DIAPH2: variants seen among roughly 807,000 people sequenced by gnomAD.
The protein encoded by DIAPH2 is diaphanous related formin 2.
In DIAPH2, 35 loss-of-function variants were observed where a neutral mutation model predicts 92.7. That is an observed-to-expected ratio of 0.38 (90% CI 0.29 to 0.50). The LOEUF (loss-of-function observed/expected upper bound fraction) is 0.50. Among genes scored for constraint, DIAPH2 ranks in the 20% least tolerant of loss-of-function variants. DIAPH2 has a pLI of 0.94. For missense variants in DIAPH2, 701 were observed against 819.5 expected (o/e 0.86, Z 1.77); for synonymous variants, 301 against 280.4 (o/e 1.07, Z -0.73).
At chrX:97,151,317 A>G (rs1053497253) in intron 22 of DIAPH2, among the ~76,000 whole-genome samples, 1 of 111,949 alleles carries the variant, frequency 8.9e-6, no homozygotes, top group Admixed American at 9.5e-5. Context: ...TATGTGTAAT[A>G]TGAATAGTGA....
intron 23 of DIAPH2, among the ~76,000 whole-genome samples, chrX:97,332,795 A>T (rs2069013254): frequency 9.0e-6 from 1 of 111,274 alleles, no homozygotes; most frequent in African/African-American, 3.3e-5. Context: ...AATGAGAAAC[A>T]TCGTCTCAGA....
chrX:97,265,319 G>C (rs1233154024), intron 23 of DIAPH2, among the ~76,000 whole-genome samples: 1 of 111,970 alleles, frequency 8.9e-6, no homozygotes, highest in African/African-American at 3.2e-5. Flanking sequence ...TCAGTTAAGA[G>C]AGTCAAATAT....
chrX:97,099,635 G>A, intron 19 of DIAPH2, 59 bp from the exon 20 acceptor site: 6 of 733,220 alleles, frequency 8.2e-6, no homozygotes, highest in Non-Finnish European at 9.6e-6. Flanking sequence ...AATTGTTAAT[G>A]CATGTTTAAA....
chrX:97,597,975 GTGTTAAT>G (rs1009950504), intron 26 of DIAPH2, among the ~76,000 whole-genome samples: 16 of 111,315 alleles, frequency 1.4e-4, no homozygotes, highest in African/African-American at 4.9e-4. Flanking sequence ...ACATACCGTG[GTGTTAAT>G]GAGGCTGGGG....
chrX:96,969,690 G>A (rs905852648), intron 17 of DIAPH2, among the ~76,000 whole-genome samples: 1 of 111,286 alleles, frequency 9.0e-6, no homozygotes, highest in Non-Finnish European at 1.9e-5. Flanking sequence ...AGGAGAAATA[G>A]TTTGACATCT....
chrX:97,179,756 G>A (rs5920813), intron 22 of DIAPH2, among the ~76,000 whole-genome samples: 54,266 of 110,313 alleles, frequency 0.49, 9,880 homozygotes, highest in East Asian at 0.63. Context: ...TGCTGCTGAT[G>A]AAGACATACC....
intron 17 of DIAPH2, 104 bp from the exon 18 acceptor site, chrX:97,072,837 T>A (rs891475086): frequency 4.5e-6 from 2 of 448,804 alleles, no homozygotes; most frequent in African/African-American, 5.0e-5. Flanking sequence ...ATTTATTGAT[T>A]TCAGAATGAG....
intron 22 of DIAPH2, among the ~76,000 whole-genome samples, chrX:97,165,659 A>T (rs1430735666): frequency 3.1e-5 from 3 of 97,443 alleles, no homozygotes; most frequent in African/African-American, 7.4e-5. Context: ...ATGCCCAGCA[A>T]TTTTTTTTTT....
At chrX:97,240,605 CAA>C (rs774748522) in intron 22 of DIAPH2, among the ~76,000 whole-genome samples, 16 of 67,855 alleles carry the variant, frequency 2.4e-4, no homozygotes, top group Admixed American at 3.4e-4. Flanking sequence ...GACTGCATCT[CAA>C]AAAAAAAAAA....
chrX:97,283,714 G>A (rs779754895), intron 23 of DIAPH2, among the ~76,000 whole-genome samples: 5 of 112,573 alleles, frequency 4.4e-5, no homozygotes, highest in African/African-American at 9.7e-5. Context: ...AGGCCAAGGC[G>A]GGCGGAACAC....
intron 22 of DIAPH2, among the ~76,000 whole-genome samples, chrX:97,161,057 T>TG (rs1294774551): frequency 1.0e-4 from 11 of 105,609 alleles, no homozygotes; most frequent in East Asian, 5.9e-4. Context: ...TTTTGTTTTT[T>TG]TTTTTTTTTT....
intron 1 of DIAPH2, 58 bp from the exon 2 acceptor site, chrX:96,735,700 C>T: frequency 4.9e-6 from 3 of 616,936 alleles, no homozygotes; most frequent in Non-Finnish European, 7.7e-6. Context: ...ATTGTTTGAT[C>T]TATGAGTTTC....
intron 17 of DIAPH2, among the ~76,000 whole-genome samples, chrX:96,986,567 A>G (rs2066033276): frequency 9.0e-6 from 1 of 111,567 alleles, no homozygotes; most frequent in African/African-American, 3.2e-5. Flanking sequence ...TTTACTTATC[A>G]CATTGAAATT....
At chrX:97,416,220 A>T (rs1024316391) in intron 25 of DIAPH2, among the ~76,000 whole-genome samples, 9 of 112,146 alleles carry the variant, frequency 8.0e-5, no homozygotes, top group Non-Finnish European at 1.7e-4. Flanking sequence ...GTAAATTACA[A>T]TATTGAGTTA....
chrX:96,751,045 C>T (rs192290788), intron 3 of DIAPH2, among the ~76,000 whole-genome samples: 169 of 111,582 alleles, frequency 1.5e-3, no homozygotes, highest in African/African-American at 4.8e-3. Context: ...CTAATTATTG[C>T]GGAGAAAAAT....
At position 97,133,127 on chromosome X, in the gene DIAPH2, C is replaced by T. The variant is rs774643752; in HGVS notation, c.2590-8538C>T. ...GAAACATTTCCTTTAGTGATATCCA[C>T]GCTGCTTTACTACTTCATTTCTTAT... On this transcript the variant is annotated intron_variant, in intron 21 of 26. Coordinates refer to ENST00000324765, the MANE Select transcript of DIAPH2 (RefSeq NM_006729.5). 1.4e-4 allele frequency among the ~76,000 whole-genome samples: 16 copies of T among 111,822 alleles called. No homozygotes were observed. In the East Asian group the frequency reaches 2.0e-3, roughly 14 times the overall value.
chrX:97,531,114 A>T (rs963004941), intron 26 of DIAPH2, among the ~76,000 whole-genome samples: 1 of 111,146 alleles, frequency 9.0e-6, no homozygotes, highest in Non-Finnish European at 1.9e-5. Context: ...AGTGTCATAA[A>T]TCTATTATAT....
intron 5 of DIAPH2, among the ~76,000 whole-genome samples, chrX:96,899,410 T>C (rs374046850): frequency 9.0e-6 from 1 of 110,796 alleles, no homozygotes; most frequent in Non-Finnish European, 1.9e-5. Context: ...CATTGAGCAG[T>C]GGTTTGTAGT....
At position 97,390,208 on chromosome X, in the gene DIAPH2, C is replaced by CTTTT. The variant is rs142044871; in HGVS notation, c.3145+6190_3145+6193dup. ...GTTTATCTTTTTCCCTGCTTTCTGT[C>CTTTT]TTTTTTTTTTTTTTTTTTTTTTTTT... On this transcript the variant is annotated intron_variant, in intron 25 of 26. Transcript: ENST00000324765. Among the ~76,000 whole-genome samples the CTTTT allele has an allele frequency of 6.9e-4, 23 of 33,192 alleles. 2 individuals are homozygous for CTTTT. Among genetic ancestry groups the CTTTT allele is most frequent in the Admixed American group, 2.5e-3 (4 of 1,584 alleles). The allele number at this position is 33,192 out of a possible 115,157, so 28.8% of individuals were successfully genotyped here.
Sources: gnomAD v4.1 joint callset for allele counts (sites outside exome capture counted in the v4.1 genomes callset) on GRCh38, gnomAD v4.1.1 for gene constraint, MANE v1.5 for transcripts, NCBI Gene and HGNC (gene_info 2026-07-23, HGNC 2026-07-21) for gene names.